CD96: variants seen among roughly 807,000 people sequenced by gnomAD.
The protein encoded by CD96 is T-cell surface protein tactile.
In CD96, 70 loss-of-function variants were observed where a neutral mutation model predicts 71.3. The ratio of observed to expected loss-of-function variants is 0.98; its 90% CI spans 0.81 to 1.20. The LOEUF (loss-of-function observed/expected upper bound fraction) is 1.20, where lower values mean the gene tolerates loss of function less well. Among genes scored for constraint, CD96 ranks in the 50% most tolerant of loss-of-function variants. The pLI is 0.00. For synonymous variants in CD96, 248 were observed against 233.0 expected, an observed-to-expected ratio of 1.06 and a Z score of -0.59; for missense variants, 742 against 677.5, an observed-to-expected ratio of 1.10 and a Z score of -1.06.
chr3:111,595,376 A>G (rs1196718591), intron 5 of CD96: 2 of 152,154 alleles, frequency 1.3e-5, no homozygotes, highest in Non-Finnish European at 2.9e-5. Context: ...TTGGATGTCT[A>G]TTAGCTGACT....
intron 2 of CD96, among the ~76,000 whole-genome samples, chr3:111,562,583 C>G (rs993177463): frequency 6.6e-6 from 1 of 152,202 alleles, no homozygotes; most frequent in African/African-American, 2.4e-5. Context: ...CAAGAAGTTG[C>G]CCCTGCATTG....
chr3:111,635,650 A>G (rs995721372), intron 10 of CD96, among the ~76,000 whole-genome samples: 2 of 152,230 alleles, frequency 1.3e-5, no homozygotes, highest in Non-Finnish European at 2.9e-5. Context: ...TCCACACATC[A>G]TTAACCATTA....
intron 10 of CD96, among the ~76,000 whole-genome samples, chr3:111,624,623 G>A (rs1938660918): frequency 6.6e-6 from 1 of 152,180 alleles, no homozygotes; most frequent in Non-Finnish European, 1.5e-5. Flanking sequence ...GACAAGTGGT[G>A]ATAAGTTATA....
chr3:111,600,796 G>T lies in CD96; in HGVS notation c.969G>T (p.Arg323Ser). The T allele has an allele frequency of 1.2e-6, 2 of 1,613,158 alleles. No homozygotes were observed. The highest frequency in any genetic ancestry group is 1.7e-6 in the Non-Finnish European group (2 of 1,179,202). ...GFLELKSVLTRVHSNKPAQSD... is the reference protein window; with the variant it reads ...GFLELKSVLTSVHSNKPAQSD... ...TGGAACTGAAGTCTGTTTTAACAAG[G>T]GTACATAGTAATAAACCAGCCCAAT... The change falls in exon 7 of 14, where the codon AGG becomes AGT. Residue 323 changes from arginine (R) to serine (S), a missense_variant. Physicochemically the swap from Arg to Ser is moderately radical, Grantham distance 110. Coordinates refer to ENST00000352690, the MANE Select transcript of CD96 (RefSeq NM_005816.5).
chr3:111,645,198 G>A (rs1939772520), intron 12 of CD96, among the ~76,000 whole-genome samples: 1 of 151,960 alleles, frequency 6.6e-6, no homozygotes, highest in Non-Finnish European at 1.5e-5. Context: ...GCCATAAAAA[G>A]GAATGAATTA....
At chr3:111,622,396 C>G (rs965829048) in intron 8 of CD96, among the ~76,000 whole-genome samples, 8 of 152,196 alleles carry the variant, frequency 5.3e-5, no homozygotes, top group Admixed American at 2.6e-4. Flanking sequence ...GTCAGGCACT[C>G]TTCTAAGTAT....
At chr3:111,599,006 T>C (rs960564905) in intron 6 of CD96, among the ~76,000 whole-genome samples, 1 of 152,194 alleles carries the variant, frequency 6.6e-6, no homozygotes, top group Non-Finnish European at 1.5e-5. Context: ...TCTGGCTCTG[T>C]TGCCCAAGCT....
chr3:111,661,786 C>G (rs1184726971), intron 14 of CD96, among the ~76,000 whole-genome samples: 4 of 152,228 alleles, frequency 2.6e-5, no homozygotes, highest in Non-Finnish European at 4.4e-5. Context: ...CTTTCACAGG[C>G]CATCATTGAG....
intron 2 of CD96, among the ~76,000 whole-genome samples, chr3:111,556,921 A>T (rs1356597459): frequency 8.0e-6 from 1 of 125,246 alleles, no homozygotes; most frequent in Non-Finnish European, 1.6e-5. Context: ...ATGGTATCTC[A>T]TAGTGGTTTT....
chr3:111,647,479 T>G, intron 12 of CD96, 64 bp from the exon 13 acceptor site: 1 of 1,483,890 alleles, frequency 6.7e-7, no homozygotes, highest in Non-Finnish European at 9.4e-7. Context: ...AAAAATGGTT[T>G]AATCCTGTTT....
chr3:111,553,533 C>T (rs918469725), intron 2 of CD96, among the ~76,000 whole-genome samples: 1 of 150,376 alleles, frequency 6.6e-6, no homozygotes, highest in African/African-American at 2.4e-5. Context: ...ACTGGTGAGC[C>T]TTGCCTACAT....
downstream of CD96, among the ~76,000 whole-genome samples, chr3:111,655,088 G>A (rs1940197241): frequency 1.3e-5 from 2 of 152,228 alleles, no homozygotes; most frequent in African/African-American, 4.8e-5. Flanking sequence ...ACTGGTTTGA[G>A]ATAAGCCTAA....
chr3:111,561,852 A>G (rs1238741268), intron 2 of CD96, among the ~76,000 whole-genome samples: 135 of 146,260 alleles, frequency 9.2e-4, no homozygotes, highest in African/African-American at 2.2e-3. Context: ...TGTGCTAGCA[A>G]TCAGCGAGAT....
intron 2 of CD96, among the ~76,000 whole-genome samples, chr3:111,549,712 G>A (rs1332732478): frequency 3.3e-5 from 5 of 152,236 alleles, no homozygotes; most frequent in Middle Eastern, 6.8e-3. Context: ...AAAAAGCAGC[G>A]TCAAGGATGA....
At chr3:111,647,319 T>A (rs544862680) in intron 12 of CD96, among the ~76,000 whole-genome samples, 10 of 152,106 alleles carry the variant, frequency 6.6e-5, no homozygotes, top group Non-Finnish European at 1.5e-4. Flanking sequence ...ATGGTACATA[T>A]GTATGCTTAT....
chr3:111,624,009 A>T (rs1938629530), intron 9 of CD96, among the ~76,000 whole-genome samples, 187 bp downstream of exon 9: 1 of 152,224 alleles, frequency 6.6e-6, no homozygotes, highest in Non-Finnish European at 1.5e-5. Flanking sequence ...TAATCTTAAA[A>T]AATAAGGGCT....
At chr3:111,578,524 A>G (rs137858434) in intron 3 of CD96, among the ~76,000 whole-genome samples, 4 of 152,304 alleles carry the variant, frequency 2.6e-5, no homozygotes, top group African/African-American at 4.8e-5. Flanking sequence ...CACTTGCAAG[A>G]CTTTGAGAAT....
chr3:111,634,300 C>A (rs1235658342), intron 10 of CD96: 1 of 152,140 alleles, frequency 6.6e-6, no homozygotes, highest in African/African-American at 2.4e-5. Context: ...CTTTGTTGAA[C>A]AAACTTTACC....
intron 12 of CD96, among the ~76,000 whole-genome samples, chr3:111,639,255 C>G (rs1456417990): frequency 6.6e-6 from 1 of 152,198 alleles, no homozygotes; most frequent in Non-Finnish European, 1.5e-5. Flanking sequence ...CGCCCTCCAC[C>G]TGGAGACAGA....
Sources: gnomAD v4.1 joint callset for allele counts (sites outside exome capture counted in the v4.1 genomes callset) on GRCh38, gnomAD v4.1.1 for gene constraint, MANE v1.5 for transcripts, NCBI Gene and HGNC (gene_info 2026-07-23, HGNC 2026-07-21) for gene names.